Variants in NTMT1 observed in about 807,000 individuals in gnomAD.
NTMT1 encodes N-terminal Xaa-Pro-Lys N-methyltransferase 1, also known as N-terminal RCC1 methyltransferase.
Under a neutral mutation model 17.5 loss-of-function variants are expected in NTMT1, and 8 were observed. The ratio of observed to expected loss-of-function variants is 0.46; its 90% CI spans 0.27 to 0.82. NTMT1 has a LOEUF of 0.82. Ranked by LOEUF, NTMT1 falls within the 40% of genes least tolerant of loss-of-function variation. The probability of loss-of-function intolerance (pLI) is 0.15; values close to 1 mark genes in which losing one functional copy is unlikely to be tolerated. For synonymous variants in NTMT1, 128 were observed against 126.8 expected (o/e 1.01, Z -0.06); for missense variants, 221 against 303.5 (o/e 0.73, Z 2.02).
intron 1 of NTMT1, among the ~76,000 whole-genome samples, chr9:129,618,940 T>C (rs1830533223): frequency 6.7e-6 from 1 of 149,966 alleles, no homozygotes; most frequent in South Asian, 2.1e-4. Flanking sequence ...GGTCTCAATC[T>C]CCTAACCTCG....
upstream of NTMT1, among the ~76,000 whole-genome samples, chr9:129,622,061 G>A (rs747973652): frequency 7.9e-5 from 12 of 152,310 alleles, no homozygotes; most frequent in East Asian, 5.8e-4. Flanking sequence ...TGCCCTGGCC[G>A]CAGCCACCTG....
In NTMT1 at chr9:129,614,038, C is replaced by G. The variant is rs1359729427; in HGVS notation, c.-55+4860C>G. ...CAGGATGGAAAGGGCTGGGAAGCAG[C>G]AGGCTGGCCCCCACGTCTCCTGGGC... is the stretch of plus-strand genomic sequence containing the variant. On this transcript the variant is annotated intron_variant, in intron 1 of 3. Coordinates refer to the NTMT1 transcript ENST00000372486. This position sits in a 1 kb window ranked among gnomAD's most constrained non-coding sequence, Gnocchi z 4.4. Among the ~76,000 whole-genome samples, 3 of 152,218 alleles carry G rather than the reference C, an allele frequency of 2.0e-5. No homozygotes were observed. The South Asian group carries it at 6.2e-4, about 32-fold the overall frequency.
intron 3 of NTMT1, 41 bp downstream of exon 3, chr9:129,634,347 C>T: frequency 6.4e-7 from 1 of 1,551,426 alleles, no homozygotes; most frequent in Non-Finnish European, 8.7e-7. Flanking sequence ...CTGTATGTCT[C>T]CTGCCACTCG....
intron 1 of NTMT1, among the ~76,000 whole-genome samples, chr9:129,616,856 A>T (rs1351295878): frequency 1.3e-5 from 2 of 152,184 alleles, no homozygotes; most frequent in African/African-American, 4.8e-5. Flanking sequence ...GCAGATCAAA[A>T]GGTCAAGAGA....
In NTMT1 at chr9:129,615,406, G is replaced by A. The variant is rs1268278338; in HGVS notation, c.-55+6228G>A. Reference sequence around the variant, plus strand: ...TTGCAAAGCCAGTCCCTCACTCTAGGGGCCCGGAGCTACAGCCTCTCTGCC... The same window carrying A: ...TTGCAAAGCCAGTCCCTCACTCTAGAGGCCCGGAGCTACAGCCTCTCTGCC... On this transcript the variant is annotated intron_variant, in intron 1 of 3. Transcript: ENST00000372486. 6 of 1,425,650 alleles carry A rather than the reference G, an allele frequency of 4.2e-6. 1 individual carries two copies. The highest frequency in any genetic ancestry group is 2.9e-5 in the South Asian group (2 of 69,472). The allele number at this position is 1,425,650 out of a possible 1,614,324, so 88.3% of individuals were successfully genotyped here. A position where few individuals can be genotyped will look rare whatever the true frequency, so the allele number is the denominator to read the frequency against.
chr9:129,633,965 A>T, intron 2 of NTMT1, 89 bp from the exon 3 acceptor site: 3 of 1,445,494 alleles, frequency 2.1e-6, no homozygotes, highest in South Asian at 2.8e-5. Context: ...TGGAATCCTG[A>T]CTTGAGTCTA....
At chr9:129,634,971 C>T (rs775015265) in intron 3 of NTMT1, 18 of 544,642 alleles carry the variant, frequency 3.3e-5, no homozygotes. Context: ...GTAAGCCATC[C>T]CGTCAAGTCA....
intron 1 of NTMT1, among the ~76,000 whole-genome samples, chr9:129,616,459 A>AC (rs1269352804): frequency 2.0e-5 from 3 of 151,362 alleles, no homozygotes; most frequent in Admixed American, 6.6e-5. Flanking sequence ...CAAGTGATCC[A>AC]CCCCCCTTCG....
In NTMT1 at chr9:129,620,908, A is replaced by G. The variant is rs1362336281; in HGVS notation, c.-55+11730A>G. 4.3e-5 allele frequency: 11 copies of G among 258,576 alleles called. No individual in the cohort carries two copies. The East Asian group carries it at 7.0e-4, about 16-fold the overall frequency. The allele number at this position is 258,576 out of a possible 1,614,324, so 16.0% of individuals were successfully genotyped here. The stretch of plus-strand genomic sequence containing the variant: ...CAAGCTTACACATAGACTAGCTGCC[A>G]TTCTTAGTATTTCAAAGTTATTATT... On this transcript the variant is annotated intron_variant, in intron 1 of 3. Transcript: ENST00000372486. This position sits in a 1 kb window ranked among gnomAD's most constrained non-coding sequence, Gnocchi z 5.8.
intron 3 of NTMT1, chr9:129,634,618 G>T: frequency 3.3e-6 from 1 of 307,080 alleles, no homozygotes; most frequent in East Asian, 6.4e-5. Flanking sequence ...TTTTATAAGG[G>T]TTTTATTTTT....
At chr9:129,615,965 T>G (rs1356538120) in intron 1 of NTMT1, among the ~76,000 whole-genome samples, 2 of 152,230 alleles carry the variant, frequency 1.3e-5, no homozygotes, top group Non-Finnish European at 2.9e-5. Context: ...AGCCAAGACC[T>G]GCATCCTGGT....
chr9:129,612,270 C>T, intron 1 of NTMT1: 1 of 1,261,030 alleles, frequency 7.9e-7, no homozygotes, highest in Non-Finnish European at 1.1e-6. Flanking sequence ...CTGGGATGTG[C>T]CTTTATTTGT....
chr9:129,631,525 C>T (rs1309644392), intron 1 of NTMT1, among the ~76,000 whole-genome samples: 2 of 152,220 alleles, frequency 1.3e-5, no homozygotes, highest in African/African-American at 2.4e-5. Context: ...CCGTGGCAAC[C>T]GTCTCCTCAT....
At position 129,620,521 on chromosome 9, in the gene NTMT1, G is replaced by T; in HGVS notation, c.-55+11343G>T. ...TGCGTCGGAAGTCTCCGTCGCCAGGGAGCCCCTTGGGCGCCAGGTCCTGGG... is the reference window on the plus strand; with the variant it reads ...TGCGTCGGAAGTCTCCGTCGCCAGGTAGCCCCTTGGGCGCCAGGTCCTGGG... On this transcript the variant is annotated intron_variant, in intron 1 of 3. Coordinates refer to the NTMT1 transcript ENST00000372486. The surrounding 1 kb of genome is among the most constrained non-coding windows in gnomAD (Gnocchi z 5.8). 6.9e-7 allele frequency: 1 copy of T among 1,445,230 alleles called. No individual in the cohort carries two copies. Among genetic ancestry groups the T allele is most frequent in the South Asian group, 1.4e-5 (1 of 72,026 alleles). 89.5% of individuals were successfully genotyped at this position (1,445,230 alleles called of 1,614,324 possible).
In NTMT1 at chr9:129,613,065, G is replaced by C. The variant is rs777643615; in HGVS notation, c.-55+3887G>C. On this transcript the variant is annotated intron_variant, in intron 1 of 3. Coordinates refer to the NTMT1 transcript ENST00000372486. This position sits in a 1 kb window ranked among gnomAD's most constrained non-coding sequence, Gnocchi z 6.2. ...CTCCCGGAGCCAGCTGCCAGCAGGG[G>C]CTCACCAGCTTCTAGGTCCAGGAGC... 1.2e-6 allele frequency: 2 copies of C among 1,610,928 alleles called. No homozygotes were observed. Among genetic ancestry groups the C allele is most frequent in the Non-Finnish European group, 1.7e-6 (2 of 1,179,508 alleles).
chr9:129,616,247 G>T (rs565595282), intron 1 of NTMT1, among the ~76,000 whole-genome samples: 2 of 152,144 alleles, frequency 1.3e-5, no homozygotes, highest in Admixed American at 1.3e-4. Context: ...ACAGATTCTC[G>T]CTCTGTGGCT....
rs754279912 is a variant in NTMT1, at chr9:129,634,202, T to C, written c.311T>C (p.Leu104Pro). ...TTCCTGGTTCAAGCCAAGACCTACC[T>C]GGGGGAGGAGGGCAAGAGGGTGAGG... ...EDFLVQAKTY[L>P]GEEGKRVRNY... The change falls in exon 3 of 4, where the codon CTG (leucine) becomes CCG (proline). Residue 104 changes from leucine (L) to proline (P), a missense_variant. Transcript: ENST00000372483. 1 of 1,614,086 alleles carries C rather than the reference T, an allele frequency of 6.2e-7. No homozygotes were observed. The highest frequency in any genetic ancestry group is 1.1e-5 in the South Asian group (1 of 91,070).
rs997285786 is a variant in NTMT1, at chr9:129,615,477, T to A, written c.-55+6299T>A. 3 of 1,580,650 alleles carry A rather than the reference T, an allele frequency of 1.9e-6. No individual in the cohort carries two copies. The African/African-American group carries it at 4.1e-5, about 21-fold the overall frequency. Reference sequence around the variant, plus strand: ...GAGTCTCGAGGCTCCCCATCCTGTCTGCTTACCTGAGCGTCTGCGCTCCCA... The same window carrying A: ...GAGTCTCGAGGCTCCCCATCCTGTCAGCTTACCTGAGCGTCTGCGCTCCCA... On this transcript the variant is annotated intron_variant, in intron 1 of 3. Transcript: ENST00000372486.
chr9:129,620,028 A>G lies in NTMT1; in HGVS notation c.-55+10850A>G. 1 of 1,456,742 alleles carries G rather than the reference A, an allele frequency of 6.9e-7. No homozygotes were observed. 90.2% of individuals were successfully genotyped at this position (1,456,742 alleles called of 1,614,324 possible). On this transcript the variant is annotated intron_variant, in intron 1 of 3. Transcript: ENST00000372486. The surrounding 1 kb of genome is among the most constrained non-coding windows in gnomAD (Gnocchi z 5.8). Reference sequence around the variant, plus strand: ...CACAAGGGACCACCCCCCACCGGAAATGACTCGGGCCCGCCCCCCGGGCCC... The same window carrying G: ...CACAAGGGACCACCCCCCACCGGAAGTGACTCGGGCCCGCCCCCCGGGCCC...
Sources: gnomAD v4.1 joint callset for allele counts (sites outside exome capture counted in the v4.1 genomes callset) on GRCh38, gnomAD v4.1.1 for gene constraint, Gnocchi (gnomAD v3.1) non-coding constraint, MANE v1.5 for transcripts, NCBI Gene and HGNC (gene_info 2026-07-23, HGNC 2026-07-21) for gene names.